Variants in TMEM117 observed in about 807,000 individuals in gnomAD.
TMEM117 encodes the protein transmembrane protein 117.
In TMEM117, 27 loss-of-function variants were observed where a neutral mutation model predicts 52.4. The observed-to-expected ratio is 0.51, with a 90% CI of 0.38 to 0.71. The LOEUF (loss-of-function observed/expected upper bound fraction) is 0.71, where lower values mean the gene tolerates loss of function less well. Among genes scored for constraint, TMEM117 ranks in the 30% least tolerant of loss-of-function variants. TMEM117 has a pLI of 0.00. For missense variants in TMEM117, 556 were observed against 630.5 expected (o/e 0.88, Z 1.26); for synonymous variants, 215 against 206.3 (o/e 1.04, Z -0.36).
At position 43,943,487 on chromosome 12, in the gene TMEM117, T is replaced by A. The variant is rs1341602146; in HGVS notation, c.278-723T>A. 2.0e-5 allele frequency among the ~76,000 whole-genome samples: 3 copies of A among 152,226 alleles called. 1 individual carries two copies. Among genetic ancestry groups the A allele is most frequent in the Middle Eastern group, 6.3e-3 (2 of 316 alleles). ...TTACTTTAGTGTTCATCTTAATATA[T>A]GTTTCTTCCTTAAAGTGTTTGCATC... On this transcript the variant is annotated intron_variant, in intron 2 of 7. Transcript: ENST00000266534.
intron 5 of TMEM117, among the ~76,000 whole-genome samples, chr12:44,218,714 T>C (rs988552666): frequency 6.6e-6 from 1 of 152,192 alleles, no homozygotes; most frequent in Non-Finnish European, 1.5e-5. Flanking sequence ...ATGAGACATA[T>C]TACCTATCAG....
intron 2 of TMEM117, among the ~76,000 whole-genome samples, chr12:43,888,538 GTTTTC>G (rs1234038504): frequency 8.4e-6 from 1 of 118,450 alleles, no homozygotes; most frequent in African/African-American, 3.1e-5. Flanking sequence ...GTGCACATTA[GTTTTC>G]TTTTTTTTTT....
the TMEM117 span, among the ~76,000 whole-genome samples, chr12:43,809,634 A>G: frequency 6.6e-6 from 1 of 152,302 alleles, no homozygotes; most frequent in East Asian, 1.9e-4. Flanking sequence ...AAAAGCAACA[A>G]TCCAAAGTTG....
intron 7 of TMEM117, 77 bp downstream of exon 7, chr12:44,376,801 G>A: frequency 6.9e-7 from 1 of 1,453,572 alleles, no homozygotes; most frequent in Non-Finnish European, 9.2e-7. Flanking sequence ...TAAAAAGCAA[G>A]CCATAATATT....
At chr12:44,134,404 G>A (rs1047008744) in intron 3 of TMEM117, among the ~76,000 whole-genome samples, 2 of 152,098 alleles carry the variant, frequency 1.3e-5, no homozygotes, top group South Asian at 4.1e-4. Flanking sequence ...TTGTAGAGAT[G>A]TGGTGCACTA....
At chr12:44,038,590 T>C (rs1315859519) in intron 3 of TMEM117, among the ~76,000 whole-genome samples, 1 of 152,138 alleles carries the variant, frequency 6.6e-6, no homozygotes. Context: ...AGTCTGCCAG[T>C]CTGAGTGGGT....
the TMEM117 span, chr12:43,797,120 A>C: frequency 6.4e-7 from 1 of 1,566,990 alleles, no homozygotes; most frequent in East Asian, 2.2e-5. Flanking sequence ...ATAATAACAA[A>C]TATAATTAGC....
At chr12:44,274,795 A>G (rs1950492287) in intron 5 of TMEM117, among the ~76,000 whole-genome samples, 1 of 152,166 alleles carries the variant, frequency 6.6e-6, no homozygotes, top group Non-Finnish European at 1.5e-5. Flanking sequence ...CCACATTAAA[A>G]TCATATCAAA....
At chr12:43,923,538 C>T (rs761430405) in intron 2 of TMEM117, among the ~76,000 whole-genome samples, 9 of 152,128 alleles carry the variant, frequency 5.9e-5, no homozygotes. Context: ...ATCACAAACT[C>T]ATCACGTTAT....
chr12:44,105,599 G>T (rs1416387785), intron 3 of TMEM117, among the ~76,000 whole-genome samples: 2 of 151,940 alleles, frequency 1.3e-5, no homozygotes, highest in Non-Finnish European at 2.9e-5. Context: ...GGGAAGAGGG[G>T]AAATGTTCTA....
At chr12:44,096,564 T>G (rs2138060598) in intron 3 of TMEM117, among the ~76,000 whole-genome samples, 1 of 151,552 alleles carries the variant, frequency 6.6e-6, no homozygotes, top group African/African-American at 2.4e-5. Context: ...ATGCCGCATA[T>G]CTACAACTAT....
intron 2 of TMEM117, among the ~76,000 whole-genome samples, chr12:43,918,954 T>G (rs1177007575): frequency 6.6e-6 from 1 of 152,194 alleles, no homozygotes; most frequent in Non-Finnish European, 1.5e-5. Context: ...ATACTCTGCT[T>G]TTTTGGTCTC....
chr12:44,052,878 C>T (rs760867758), intron 3 of TMEM117, among the ~76,000 whole-genome samples: 1 of 152,186 alleles, frequency 6.6e-6, no homozygotes, highest in Non-Finnish European at 1.5e-5. Flanking sequence ...ATGAGTCTCT[C>T]TGATATCCCT....
intron 3 of TMEM117, among the ~76,000 whole-genome samples, chr12:44,061,810 G>A (rs1947142798): frequency 6.6e-6 from 1 of 152,144 alleles, no homozygotes; most frequent in South Asian, 2.1e-4. Flanking sequence ...AATTTATGGG[G>A]TGGGAGAAGA....
chr12:44,267,033 T>C (rs1211496343), intron 5 of TMEM117, among the ~76,000 whole-genome samples: 2 of 152,114 alleles, frequency 1.3e-5, no homozygotes, highest in African/African-American at 4.8e-5. Context: ...TAGGATTAGC[T>C]TGTCAATTTC....
intron 3 of TMEM117, among the ~76,000 whole-genome samples, chr12:43,957,562 C>T (rs1019237660): frequency 2.6e-5 from 4 of 152,110 alleles, no homozygotes; most frequent in African/African-American, 9.7e-5. Context: ...CCTCTCTTTT[C>T]AACTATGTAC....
chr12:44,290,752 C>A (rs1009396468), intron 5 of TMEM117, among the ~76,000 whole-genome samples: 1 of 152,162 alleles, frequency 6.6e-6, no homozygotes, highest in African/African-American at 2.4e-5. Context: ...ATCCTCCCAC[C>A]TCAGCTTCTG....
chr12:44,024,105 A>G (rs541381113), intron 3 of TMEM117, among the ~76,000 whole-genome samples: 1 of 152,300 alleles, frequency 6.6e-6, no homozygotes, highest in Non-Finnish European at 1.5e-5. Flanking sequence ...AGAAAAGACA[A>G]TGAACTGTAG....
chr12:44,199,766 GGT>G (rs1485364988), intron 4 of TMEM117, among the ~76,000 whole-genome samples: 4 of 152,108 alleles, frequency 2.6e-5, no homozygotes, highest in Admixed American at 6.5e-5. Flanking sequence ...GTGGGACTAT[GGT>G]ATTACTATTA....
Sources: gnomAD v4.1 joint callset for allele counts (sites outside exome capture counted in the v4.1 genomes callset) on GRCh38, gnomAD v4.1.1 for gene constraint, MANE v1.5 for transcripts, NCBI Gene and HGNC (gene_info 2026-07-23, HGNC 2026-07-21) for gene names.